CTNND2: variants seen among roughly 807,000 people sequenced by gnomAD.
The protein encoded by CTNND2 is catenin delta-2.
A neutral mutation model predicts 144.4 loss-of-function variants in CTNND2; 22 were observed. The observed-to-expected ratio is 0.15, with a 90% confidence interval of 0.11 to 0.22. CTNND2 has a LOEUF of 0.22. Ranked by LOEUF, CTNND2 falls within the 10% of genes least tolerant of loss-of-function variation. The pLI is 1.00. For missense variants in CTNND2, 1,353 were observed against 1,618.8 expected, an observed-to-expected ratio of 0.84 and a Z score of 2.82; for synonymous variants, 751 against 695.6, an observed-to-expected ratio of 1.08 and a Z score of -1.25.
chr5:11,709,943 GAAA>G (rs1305122837), intron 2 of CTNND2, among the ~76,000 whole-genome samples: 2 of 152,098 alleles, frequency 1.3e-5, no homozygotes, highest in Admixed American at 1.3e-4. Context: ...GAGTTATTTA[GAAA>G]AATGCCTTTG....
intron 2 of CTNND2, among the ~76,000 whole-genome samples, chr5:11,588,199 G>C (rs987329722): frequency 6.6e-6 from 1 of 151,922 alleles, no homozygotes; most frequent in Non-Finnish European, 1.5e-5. Flanking sequence ...TAGCTGCCCA[G>C]TATATTAAAT....
intron 17 of CTNND2, among the ~76,000 whole-genome samples, chr5:11,018,731 G>A (rs1425092136): frequency 7.7e-6 from 1 of 129,708 alleles, no homozygotes; most frequent in East Asian, 2.3e-4. Flanking sequence ...TTTTTTTTGA[G>A]ACTGAGTCTT....
intron 1 of CTNND2, among the ~76,000 whole-genome samples, chr5:11,858,616 T>G (rs1202846889): frequency 3.3e-5 from 5 of 152,150 alleles, no homozygotes; most frequent in Non-Finnish European, 7.3e-5. Context: ...TTTAATCAAA[T>G]AATAAAACAA....
intron 11 of CTNND2, among the ~76,000 whole-genome samples, chr5:11,181,231 T>A: frequency 6.6e-6 from 1 of 152,126 alleles, no homozygotes; most frequent in Non-Finnish European, 1.5e-5. Flanking sequence ...GGAAAGAGGC[T>A]AAGGTGGGAA....
chr5:11,268,791 G>A (rs1265968809), intron 9 of CTNND2, among the ~76,000 whole-genome samples: 1 of 152,082 alleles, frequency 6.6e-6, no homozygotes, highest in Non-Finnish European at 1.5e-5. Flanking sequence ...ACTTAAATTT[G>A]TACTTATGTC....
At chr5:11,111,910 G>A (rs1001360700) in intron 13 of CTNND2, among the ~76,000 whole-genome samples, 13 of 150,672 alleles carry the variant, frequency 8.6e-5, no homozygotes, top group Admixed American at 4.6e-4. Flanking sequence ...GCAGTGGCGC[G>A]ATCTCGGCTC....
At chr5:11,764,212 A>T (rs777616751) in intron 1 of CTNND2, among the ~76,000 whole-genome samples, 6 of 152,146 alleles carry the variant, frequency 3.9e-5, no homozygotes, top group Admixed American at 6.5e-5. Context: ...CAGCCTCTAG[A>T]AGTCAGAGAA....
chr5:11,895,036 G>T (rs1582082875), intron 1 of CTNND2, among the ~76,000 whole-genome samples: 2 of 152,264 alleles, frequency 1.3e-5, no homozygotes, highest in East Asian at 1.9e-4. Context: ...GTGCCTGAGA[G>T]CAGGGGGAGA....
chr5:11,380,312 T>C (rs979636864), intron 7 of CTNND2, among the ~76,000 whole-genome samples: 8 of 152,220 alleles, frequency 5.3e-5, no homozygotes, highest in African/African-American at 1.9e-4. Context: ...GGATGTCTTC[T>C]TCCTTGCACA....
chr5:11,193,253 T>C (rs780053326), intron 11 of CTNND2, among the ~76,000 whole-genome samples: 5 of 152,164 alleles, frequency 3.3e-5, no homozygotes, highest in Non-Finnish European at 5.9e-5. Context: ...TGGCAAGAGG[T>C]ATTGATTCTT....
intron 2 of CTNND2, among the ~76,000 whole-genome samples, chr5:11,624,884 G>C (rs1419231950): frequency 6.6e-6 from 1 of 151,746 alleles, no homozygotes; most frequent in Admixed American, 6.6e-5. Context: ...AGCATCTACT[G>C]TATGCCAGGT....
intron 11 of CTNND2, among the ~76,000 whole-genome samples, chr5:11,165,100 C>T (rs1446237120): frequency 6.6e-6 from 1 of 152,068 alleles, no homozygotes; most frequent in Non-Finnish European, 1.5e-5. Context: ...GACGTCATGC[C>T]TAGAGAAAAT....
At chr5:11,027,643 G>C (rs539258272) in intron 16 of CTNND2, among the ~76,000 whole-genome samples, 14 of 152,070 alleles carry the variant, frequency 9.2e-5, no homozygotes, top group Non-Finnish European at 1.9e-4. Context: ...TCAAATACCT[G>C]TATTTTGTAT....
At chr5:11,355,743 T>A (rs1371164467) in intron 8 of CTNND2, among the ~76,000 whole-genome samples, 1 of 152,078 alleles carries the variant, frequency 6.6e-6, no homozygotes, top group Admixed American at 6.6e-5. Flanking sequence ...AGTCAAATTG[T>A]CTCTGTTTGC....
intron 2 of CTNND2, among the ~76,000 whole-genome samples, chr5:11,655,151 G>T (rs1015094931): frequency 6.6e-6 from 1 of 151,820 alleles, no homozygotes; most frequent in African/African-American, 2.4e-5. Context: ...AGAATGTTTT[G>T]ATTAGCACTT....
chr5:11,808,609 T>C (rs61761658), intron 1 of CTNND2, among the ~76,000 whole-genome samples: 2 of 152,342 alleles, frequency 1.3e-5, no homozygotes, highest in East Asian at 1.9e-4. Flanking sequence ...TTTCCCCTTC[T>C]AGTTGGTCTC....
chr5:11,273,675 C>A (rs1746246030), intron 9 of CTNND2, among the ~76,000 whole-genome samples: 1 of 152,136 alleles, frequency 6.6e-6, no homozygotes, highest in Admixed American at 6.5e-5. Flanking sequence ...CGTCTCCTTG[C>A]AACAGCAACT....
intron 3 of CTNND2, among the ~76,000 whole-genome samples, chr5:11,472,772 T>C (rs1325244928): frequency 2.0e-5 from 3 of 152,218 alleles, no homozygotes; most frequent in African/African-American, 7.2e-5. Flanking sequence ...GAAAAAGATG[T>C]ATAATATGAC....
intron 9 of CTNND2, among the ~76,000 whole-genome samples, chr5:11,279,098 A>C (rs1472446751): frequency 1.3e-5 from 2 of 152,156 alleles, no homozygotes; most frequent in Non-Finnish European, 2.9e-5. Flanking sequence ...ACACTGAGGA[A>C]AAAGGCATCC....
Sources: allele counts gnomAD v4.1 joint callset (sites outside exome capture counted in the v4.1 genomes callset), GRCh38; gene constraint gnomAD v4.1.1; transcripts MANE v1.5; gene names NCBI Gene and HGNC (gene_info 2026-07-23, HGNC 2026-07-21).